Variants in MN1 observed in about 807,000 individuals in gnomAD.
The protein encoded by MN1 is MN1 proto-oncogene, transcriptional regulator, also known as transcriptional activator MN1.
Under a neutral mutation model 86.9 loss-of-function variants are expected in MN1, and 19 were observed. That is an observed-to-expected ratio of 0.22 (90% confidence interval 0.15 to 0.32). The LOEUF (loss-of-function observed/expected upper bound fraction) is 0.32. Among genes scored for constraint, MN1 ranks in the 10% least tolerant of loss-of-function variants. The pLI is 1.00. For synonymous variants in MN1, 928 were observed against 849.6 expected, an observed-to-expected ratio of 1.09 and a Z score of -1.60; for missense variants, 1,841 against 1,862.0, an observed-to-expected ratio of 0.99 and a Z score of 0.21.
At chr22:27,786,681 T>C (rs1933137917) in intron 1 of MN1, among the ~76,000 whole-genome samples, 1 of 152,190 alleles carries the variant, frequency 6.6e-6, no homozygotes, top group Non-Finnish European at 1.5e-5. Flanking sequence ...TCTGGGAGGC[T>C]GGGTTTGCTC....
Position 27,751,077 on chromosome 22 carries a change from G to C in MN1, c.3801C>G (p.Asn1267Lys). The C allele has an allele frequency of 1.3e-6, 2 of 1,587,520 alleles. No homozygotes were observed. Among genetic ancestry groups the C allele is most frequent in the African/African-American group, 2.7e-5 (2 of 74,388 alleles). The change falls in exon 2 of 2, where the codon AAC becomes AAG. Residue 1267 changes from asparagine to lysine, a missense_variant. Transcript: ENST00000302326. Reference sequence around the variant, plus strand: ...TGCCAGGCTGGGATGCTGAGGCCTTGTTTGCAGGGAGGTCGTGGGCTGTGG... The same window carrying C: ...TGCCAGGCTGGGATGCTGAGGCCTTCTTTGCAGGGAGGTCGTGGGCTGTGG... ...NSKEAHDLPA[N>K]KASASQPGSH... is the part of the protein sequence containing the mutation.
intron 1 of MN1, among the ~76,000 whole-genome samples, chr22:27,788,092 T>G (rs1425440628): frequency 6.6e-6 from 1 of 152,188 alleles, no homozygotes; most frequent in Admixed American, 6.5e-5. Context: ...TTGTTATAAA[T>G]GAATTCCACA....
At chr22:27,770,882 C>A (rs148007012) in intron 1 of MN1, among the ~76,000 whole-genome samples, 128 of 151,874 alleles carry the variant, frequency 8.4e-4, no homozygotes, top group African/African-American at 3.0e-3. Flanking sequence ...TGGTCTTGAA[C>A]TTCTGGCCTC....
Position 27,799,718 on chromosome 22 carries a change from T to A in MN1, c.826A>T (p.Met276Leu). The part of the protein sequence containing the change: ...PGGAFPGASA[M>L]PRAAGMVGLS... ...CCCACCATGCCCGCAGCTCTGGGCA[T>A]GGCCGAGGCGCCCGGGAAAGCGCCC... The change falls in exon 1 of 2, where the codon ATG becomes TTG. Residue 276 changes from methionine to leucine, a missense_variant. Physicochemically the swap from Met to Leu is conservative, Grantham distance 15 (BLOSUM62 2). Transcript: ENST00000302326. 1 of 1,570,318 alleles carries A rather than the reference T, an allele frequency of 6.4e-7. No individual in the cohort carries two copies. Among genetic ancestry groups the A allele is most frequent in the Non-Finnish European group, 8.6e-7 (1 of 1,158,416 alleles).
chr22:27,775,142 C>T (rs965329082), intron 1 of MN1, among the ~76,000 whole-genome samples: 1 of 152,222 alleles, frequency 6.6e-6, no homozygotes, highest in Admixed American at 6.5e-5. Context: ...CTCTGTACCT[C>T]GCCCTCCTCA....
intron 1 of MN1, among the ~76,000 whole-genome samples, chr22:27,777,908 A>G (rs576086631): frequency 6.6e-6 from 1 of 152,054 alleles, no homozygotes; most frequent in South Asian, 2.1e-4. Context: ...GAAAAGAAAA[A>G]TTCTACAGGG....
chr22:27,761,398 TTCTC>T (rs150600239), intron 1 of MN1, among the ~76,000 whole-genome samples: 2 of 147,344 alleles, frequency 1.4e-5, no homozygotes, highest in Admixed American at 6.8e-5. Context: ...CTCTCTCTCT[TTCTC>T]TCTCTCTCTC....
At chr22:27,790,678 G>T (rs1055928902) in intron 1 of MN1, among the ~76,000 whole-genome samples, 1 of 151,934 alleles carries the variant, frequency 6.6e-6, no homozygotes, top group Non-Finnish European at 1.5e-5. Context: ...CACAACTGGT[G>T]GGGGTAGGTG....
At position 27,763,806 on chromosome 22, in the gene MN1, A is replaced by C. The variant is rs117324238; in HGVS notation, c.3782-12710T>G. The stretch of plus-strand genomic sequence containing the variant: ...CACCCTATGGGAGAGATATTCCGGT[A>C]AACATGAACCTGCAAAATAGAGCAG... On this transcript the variant is annotated intron_variant, in intron 1 of 1. Transcript: ENST00000302326. Among the ~76,000 whole-genome samples, 554 of 152,308 alleles carry C rather than the reference A, an allele frequency of 3.6e-3. 22 individuals carry two copies. In the East Asian group the frequency reaches 0.085, roughly 23 times the overall value.
In MN1 at chr22:27,800,081, G is replaced by A. The variant is rs776099087; in HGVS notation, c.463C>T (p.His155Tyr). 1.3e-6 allele frequency: 2 copies of A among 1,596,342 alleles called. No homozygotes were observed. The highest frequency in any genetic ancestry group is 2.7e-5 in the African/African-American group (2 of 74,744). ...SQPPFAEGYE[H>Y]MAESQGPESF... is the part of the protein sequence containing the mutation. ...TCAGGCCCCTGGCTCTCCGCCATGT[G>A]CTCATAGCCCTCGGCGAAGGGCGGC... Residue 155 changes from histidine (H) to tyrosine (Y), a missense_variant, in exon 1 of 2, where the codon CAC (histidine) becomes TAC (tyrosine). Coordinates refer to ENST00000302326, the MANE Select transcript of MN1 (RefSeq NM_002430.3).
At chr22:27,788,821 G>A (rs755313745) in intron 1 of MN1, among the ~76,000 whole-genome samples, 15 of 152,044 alleles carry the variant, frequency 9.9e-5, no homozygotes, top group Non-Finnish European at 1.8e-4. Flanking sequence ...GCACACTGGG[G>A]CCCTCAACTT....
At chr22:27,784,550 T>C (rs1232858836) in intron 1 of MN1, among the ~76,000 whole-genome samples, 2 of 152,192 alleles carry the variant, frequency 1.3e-5, no homozygotes, top group Non-Finnish European at 2.9e-5. Context: ...TGAAACATGC[T>C]CTTGTTTGGG....
rs775280777 is a variant in MN1, at chr22:27,797,122, C to T, written c.3422G>A (p.Ser1141Asn). ...GLEQVRTPTS[S>N]SGAPPPDEIH... ...CTCGTCGGGTGGCGGGGCGCCGCTG[C>T]TGCTCGTCGGGGTGCGGACCTGCTC... Residue 1141 changes from serine (S) to asparagine (N), a missense_variant, in exon 1 of 2, where the codon AGC becomes AAC. By Grantham distance (46) the Ser-to-Asn change is conservative (BLOSUM62 1). Coordinates refer to ENST00000302326, the MANE Select transcript of MN1 (RefSeq NM_002430.3). 16 of 1,586,502 alleles carry T rather than the reference C, an allele frequency of 1.0e-5. No individual in the cohort carries two copies. Among genetic ancestry groups the T allele is most frequent in the Non-Finnish European group, 1.3e-5 (15 of 1,168,152 alleles).
At chr22:27,761,768 G>A (rs45450593) in intron 1 of MN1, among the ~76,000 whole-genome samples, 2,818 of 152,342 alleles carry the variant, frequency 0.018, 102 homozygotes, top group African/African-American at 0.064. Context: ...CGCGCCGGCC[G>A]CTGCAGCAGT....
At chr22:27,760,592 T>A (rs1253329003) in intron 1 of MN1, among the ~76,000 whole-genome samples, 1 of 152,094 alleles carries the variant, frequency 6.6e-6, no homozygotes, top group East Asian at 1.9e-4. Context: ...CACTGAGACA[T>A]CTTGACCTGA....
intron 1 of MN1, among the ~76,000 whole-genome samples, chr22:27,761,033 G>A (rs557509347): frequency 6.6e-6 from 1 of 152,162 alleles, no homozygotes; most frequent in Non-Finnish European, 1.5e-5. Context: ...CCAGCCATCC[G>A]CAGAGCCAAG....
chr22:27,748,858 G>C lies in MN1; in HGVS notation c.*2057C>G. 4.4e-6 allele frequency: 1 copy of C among 226,100 alleles called. No individual in the cohort carries two copies. The highest frequency in any genetic ancestry group is 6.4e-5 in the East Asian group (1 of 15,704). The allele number at this position is 226,100 out of a possible 1,614,324, so 14.0% of individuals were successfully genotyped here. A position where few individuals can be genotyped will look rare whatever the true frequency, so the allele number is the denominator to read the frequency against. ...TGCTCCCCGGCCTTAAGCAATTAAG[G>C]AGAAATCATTCCTGTTTCAAAAGTA... On this transcript the variant is annotated 3_prime_UTR_variant, in exon 2 of 2. Coordinates refer to ENST00000302326, the MANE Select transcript of MN1 (RefSeq NM_002430.3).
At position 27,800,694 on chromosome 22, in the gene MN1, G is replaced by A. The variant is rs1476090418; in HGVS notation, c.-151C>T. On this transcript the variant is annotated 5_prime_UTR_variant, in exon 1 of 2. Coordinates refer to ENST00000302326, the MANE Select transcript of MN1 (RefSeq NM_002430.3). ...AGCGCGCACCTCCACCCCGCCTGAT[G>A]TGAGGGACGGGGGGCGGGGTATTAG... is the stretch of plus-strand genomic sequence containing the variant. The A allele has an allele frequency of 1.1e-6, 1 of 917,812 alleles. No homozygotes were observed. Among genetic ancestry groups the A allele is most frequent in the Non-Finnish European group, 1.6e-6 (1 of 611,888 alleles). The allele number at this position is 917,812 out of a possible 1,614,324, so 56.9% of individuals were successfully genotyped here. A position where few individuals can be genotyped will look rare whatever the true frequency, so the allele number is the denominator to read the frequency against.
intron 1 of MN1, among the ~76,000 whole-genome samples, chr22:27,769,923 C>G (rs1467522719): frequency 2.0e-5 from 3 of 152,090 alleles, no homozygotes; most frequent in Non-Finnish European, 4.4e-5. Context: ...CTGGTACCTT[C>G]CTTTATTCTC....
Sources: gnomAD v4.1 joint callset for allele counts (sites outside exome capture counted in the v4.1 genomes callset) on GRCh38, gnomAD v4.1.1 for gene constraint, MANE v1.5 for transcripts, NCBI Gene and HGNC (gene_info 2026-07-23, HGNC 2026-07-21) for gene names.